Variants in IQGAP2 observed in about 807,000 individuals in gnomAD.
The protein encoded by IQGAP2 is IQ motif containing GTPase activating protein 2, also known as ras GTPase-activating-like protein IQGAP2.
IQGAP2 carries 173 observed loss-of-function variants against 201.3 expected under a neutral mutation model. The observed-to-expected ratio is 0.86, with a 90% CI of 0.76 to 0.98. The LOEUF (loss-of-function observed/expected upper bound fraction) is 0.98, where lower values mean the gene tolerates loss of function less well. IQGAP2 is among the 50% of genes least tolerant of loss of function. The pLI is 0.00. For synonymous variants in IQGAP2, 675 were observed against 673.9 expected (o/e 1.00, Z -0.03); for missense variants, 1,687 against 1,864.8 (o/e 0.90, Z 1.76).
intron 2 of IQGAP2, among the ~76,000 whole-genome samples, chr5:76,496,712 C>CT (rs1444114099): frequency 4.4e-4 from 8 of 18,120 alleles, no homozygotes; most frequent in Non-Finnish European, 6.9e-4. Flanking sequence ...CTCTTTCTTT[C>CT]TTTCTTTCTT....
At chr5:76,524,925 T>C (rs186047310) in intron 2 of IQGAP2, among the ~76,000 whole-genome samples, 1 of 152,366 alleles carries the variant, frequency 6.6e-6, no homozygotes, top group Non-Finnish European at 1.5e-5. Context: ...CACTAGAATG[T>C]ATTACAAATG....
intron 35 of IQGAP2, among the ~76,000 whole-genome samples, chr5:76,704,706 G>A (rs1011915039): frequency 1.3e-5 from 2 of 152,198 alleles, no homozygotes; most frequent in Admixed American, 6.5e-5. Flanking sequence ...GACCCTGTGC[G>A]GCTGCACAGA....
chr5:76,405,979 G>T (rs1750777965), intron 1 of IQGAP2, among the ~76,000 whole-genome samples: 1 of 152,200 alleles, frequency 6.6e-6, no homozygotes. Context: ...TAAGATGTTT[G>T]AGACTGGGCT....
At chr5:76,573,895 A>G (rs1005704496) in intron 4 of IQGAP2, among the ~76,000 whole-genome samples, 7 of 151,664 alleles carry the variant, frequency 4.6e-5, no homozygotes, top group African/African-American at 1.7e-4. Flanking sequence ...AAGCACCACC[A>G]TGCCCAGCTA....
At chr5:76,435,600 A>C (rs1048873572) in intron 1 of IQGAP2, among the ~76,000 whole-genome samples, 1 of 152,092 alleles carries the variant, frequency 6.6e-6, no homozygotes, top group Non-Finnish European at 1.5e-5. Flanking sequence ...TTGCAGTATA[A>C]TTTGAAGTCA....
chr5:76,647,630 A>G (rs917645953), intron 17 of IQGAP2, among the ~76,000 whole-genome samples: 14 of 152,128 alleles, frequency 9.2e-5, no homozygotes, highest in Non-Finnish European at 1.8e-4. Context: ...AGGCCTCCCC[A>G]GCCACATGGA....
At chr5:76,610,823 T>C (rs1165387566) in intron 12 of IQGAP2, among the ~76,000 whole-genome samples, 197 bp from the exon 13 acceptor site, 1 of 152,194 alleles carries the variant, frequency 6.6e-6, no homozygotes, top group Non-Finnish European at 1.5e-5. Context: ...GTAGTTGCAG[T>C]CTTATGAATT....
At chr5:76,484,811 T>A (rs778520924) in intron 2 of IQGAP2, among the ~76,000 whole-genome samples, 1 of 151,834 alleles carries the variant, frequency 6.6e-6, no homozygotes, top group Non-Finnish European at 1.5e-5. Context: ...CATTTCTCTC[T>A]CTCTCTCTCT....
At chr5:76,460,860 C>CATT (rs1374109925) in intron 1 of IQGAP2, among the ~76,000 whole-genome samples, 1 of 113,540 alleles carries the variant, frequency 8.8e-6, no homozygotes. Context: ...TTGCACACTG[C>CATT]TTTTTTTTTT....
At chr5:76,565,782 A>G (rs920672182) in intron 3 of IQGAP2, among the ~76,000 whole-genome samples, 2 of 152,172 alleles carry the variant, frequency 1.3e-5, no homozygotes, top group East Asian at 1.9e-4. Context: ...TATTTGGTAC[A>G]TACTCAGTAT....
intron 14 of IQGAP2, among the ~76,000 whole-genome samples, chr5:76,629,713 AT>A (rs1376105357): frequency 1.3e-5 from 2 of 152,094 alleles, no homozygotes; most frequent in Admixed American, 6.6e-5. Flanking sequence ...GCAGGAACTA[AT>A]TTTTGCCCCG....
intron 28 of IQGAP2, among the ~76,000 whole-genome samples, chr5:76,680,217 C>T (rs1745158771): frequency 6.6e-6 from 1 of 152,184 alleles, no homozygotes; most frequent in Non-Finnish European, 1.5e-5. Flanking sequence ...TTCATTCTGA[C>T]AGGGGACTAA....
In IQGAP2 at chr5:76,673,600, C is replaced by G; in HGVS notation, c.3209+11C>G. 6.2e-7 allele frequency: 1 copy of G among 1,612,722 alleles called. No homozygotes were observed. Among genetic ancestry groups the G allele is most frequent in the Non-Finnish European group, 8.5e-7 (1 of 1,179,268 alleles). ...CCTTGATCTACTGCCGTAAGTTGTA[C>G]TTGCAGCAAGTTTAACATTCTTTCC... On this transcript the variant is annotated intron_variant, in intron 25 of 35. Coordinates refer to ENST00000274364, the MANE Select transcript of IQGAP2 (RefSeq NM_006633.5).
intron 17 of IQGAP2, among the ~76,000 whole-genome samples, chr5:76,647,865 G>A (rs1056936195): frequency 6.8e-6 from 1 of 146,718 alleles, no homozygotes; most frequent in Non-Finnish European, 1.5e-5. Context: ...GAAAAAAACT[G>A]TAATGCCTCC....
chr5:76,404,696 G>C (rs765332653), intron 1 of IQGAP2, among the ~76,000 whole-genome samples: 3 of 152,200 alleles, frequency 2.0e-5, no homozygotes, highest in Non-Finnish European at 4.4e-5. Context: ...GTCAAAGATG[G>C]GAGGTTATCT....
intron 17 of IQGAP2, among the ~76,000 whole-genome samples, chr5:76,642,357 G>A (rs1435687855): frequency 6.6e-6 from 1 of 152,018 alleles, no homozygotes; most frequent in Non-Finnish European, 1.5e-5. Flanking sequence ...AGAGAAATGG[G>A]GTAAGGACAG....
chr5:76,695,725 C>G, intron 32 of IQGAP2, 59 bp downstream of exon 32: 2 of 1,384,842 alleles, frequency 1.4e-6, no homozygotes, highest in Non-Finnish European at 2.0e-6. Context: ...AATCACCAGT[C>G]AAGTGCTGGG....
chr5:76,492,781 C>T (rs887454121), intron 2 of IQGAP2, among the ~76,000 whole-genome samples: 1 of 152,198 alleles, frequency 6.6e-6, no homozygotes, highest in South Asian at 2.1e-4. Flanking sequence ...CCGCTCTTCA[C>T]TCATCCTACA....
At chr5:76,473,413 A>T (rs181228006) in intron 2 of IQGAP2, among the ~76,000 whole-genome samples, 1 of 152,150 alleles carries the variant, frequency 6.6e-6, no homozygotes, top group East Asian at 1.9e-4. Flanking sequence ...TGTTCTGGGA[A>T]TAATTTATCT....
Sources: gnomAD v4.1 joint callset for allele counts (sites outside exome capture counted in the v4.1 genomes callset) on GRCh38, gnomAD v4.1.1 for gene constraint, MANE v1.5 for transcripts, NCBI Gene and HGNC (gene_info 2026-07-23, HGNC 2026-07-21) for gene names.